Variants in GFRA2 observed in about 807,000 individuals in gnomAD.
GFRA2 encodes the protein GDNF family receptor alpha-2.
Under a neutral mutation model 48.3 loss-of-function variants are expected in GFRA2, and 17 were observed. The observed-to-expected ratio is 0.35, with a 90% CI of 0.24 to 0.53. The LOEUF is 0.53. Ranked by LOEUF, GFRA2 falls within the 20% of genes least tolerant of loss-of-function variation. GFRA2 has a pLI of 0.93. For missense variants in GFRA2, 660 were observed against 637.3 expected, an observed-to-expected ratio of 1.04 and a Z score of -0.38; for synonymous variants, 305 against 257.2, an observed-to-expected ratio of 1.19 and a Z score of -1.78.
At chr8:21,763,853 C>T (rs540602485) in intron 3 of GFRA2, among the ~76,000 whole-genome samples, 1 of 151,978 alleles carries the variant, frequency 6.6e-6, no homozygotes, top group South Asian at 2.1e-4. Context: ...CCCCTCTCCT[C>T]CTCTCTTCCT....
intron 3 of GFRA2, among the ~76,000 whole-genome samples, chr8:21,756,777 C>T (rs899017266): frequency 2.0e-5 from 3 of 152,198 alleles, no homozygotes; most frequent in Admixed American, 6.5e-5. Flanking sequence ...CAGCCCCCTC[C>T]GTCTCCCTGC....
intron 4 of GFRA2, among the ~76,000 whole-genome samples, chr8:21,728,149 C>T (rs1278782792): frequency 2.0e-5 from 3 of 152,088 alleles, no homozygotes; most frequent in Admixed American, 1.3e-4. Flanking sequence ...AGGGTGTGCC[C>T]GCCCACTGTG....
At chr8:21,800,379 A>G (rs1374907008) in intron 2 of GFRA2, among the ~76,000 whole-genome samples, 5 of 152,228 alleles carry the variant, frequency 3.3e-5, no homozygotes, top group Non-Finnish European at 5.9e-5. Flanking sequence ...GAGAAGGTGA[A>G]TCTGCAGCAT....
At chr8:21,727,058 C>T (rs1413139650) in intron 4 of GFRA2, among the ~76,000 whole-genome samples, 1 of 152,136 alleles carries the variant, frequency 6.6e-6, no homozygotes, top group African/African-American at 2.4e-5. Context: ...CCCTAAATTC[C>T]CTATTTTCAA....
chr8:21,696,860 G>A (rs1802200986), intron 7 of GFRA2, among the ~76,000 whole-genome samples: 1 of 146,464 alleles, frequency 6.8e-6, no homozygotes, highest in Non-Finnish European at 1.5e-5. Flanking sequence ...GAGAAGCAGA[G>A]AAATGGAAAC....
intron 4 of GFRA2, among the ~76,000 whole-genome samples, chr8:21,735,485 A>T (rs1257926224): frequency 2.0e-5 from 3 of 151,972 alleles, no homozygotes; most frequent in Non-Finnish European, 4.4e-5. Context: ...TGCTTGGGCC[A>T]GTAGGCAAGG....
intron 3 of GFRA2, 133 bp downstream of exon 3, chr8:21,774,839 C>A (rs1800354065): frequency 1.6e-6 from 1 of 632,606 alleles, no homozygotes; most frequent in African/African-American, 1.8e-5. Flanking sequence ...AGGCTCAGAA[C>A]CGTTGAGGGA....
At chr8:21,734,236 A>T (rs922226086) in intron 4 of GFRA2, among the ~76,000 whole-genome samples, 21 of 152,342 alleles carry the variant, frequency 1.4e-4, no homozygotes, top group African/African-American at 4.8e-4. Context: ...TTTTGCCAAG[A>T]TTGGGCTAGC....
chr8:21,709,595 C>CT (rs1363437147), intron 4 of GFRA2, among the ~76,000 whole-genome samples: 1 of 152,146 alleles, frequency 6.6e-6, no homozygotes. Context: ...GGTAGTGTGC[C>CT]TGGGGGCCAG....
chr8:21,767,646 G>A (rs1806242524), intron 3 of GFRA2, among the ~76,000 whole-genome samples: 1 of 152,250 alleles, frequency 6.6e-6, no homozygotes, highest in Non-Finnish European at 1.5e-5. Flanking sequence ...CCCAGCCACT[G>A]GCAGAGCCTG....
chr8:21,769,162 G>C (rs201332087), intron 3 of GFRA2: 25,528 of 983,368 alleles, frequency 0.026, 634 homozygotes, highest in African/African-American at 0.11. Flanking sequence ...TTCTCTTACA[G>C]CAGTGGTTGA....
chr8:21,698,293 T>C (rs1225074947), intron 7 of GFRA2, among the ~76,000 whole-genome samples: 1 of 152,178 alleles, frequency 6.6e-6, no homozygotes, highest in Non-Finnish European at 1.5e-5. Context: ...ATCAAAGAAC[T>C]GGCCCTTGCA....
intron 3 of GFRA2, among the ~76,000 whole-genome samples, chr8:21,755,125 T>G (rs1025945810): frequency 1.3e-5 from 2 of 152,122 alleles, no homozygotes; most frequent in African/African-American, 4.8e-5. Flanking sequence ...CTCTGTATGA[T>G]ACTGTAATGG....
chr8:21,713,849 A>G (rs1803194356), intron 4 of GFRA2, among the ~76,000 whole-genome samples: 1 of 152,208 alleles, frequency 6.6e-6, no homozygotes, highest in Non-Finnish European at 1.5e-5. Context: ...CACAGGTTTC[A>G]GAGCTGGGCT....
chr8:21,767,635 C>T (rs1311844107), intron 3 of GFRA2, among the ~76,000 whole-genome samples: 1 of 152,244 alleles, frequency 6.6e-6, no homozygotes, highest in Non-Finnish European at 1.5e-5. Context: ...CCGCCCCACA[C>T]CCCAGCCACT....
intron 2 of GFRA2, among the ~76,000 whole-genome samples, chr8:21,803,700 A>T (rs1269450456): frequency 6.6e-6 from 1 of 152,222 alleles, no homozygotes; most frequent in African/African-American, 2.4e-5. Flanking sequence ...TGGCACAATC[A>T]TAGCTCACTG....
intron 4 of GFRA2, among the ~76,000 whole-genome samples, chr8:21,720,146 T>A (rs1803525560): frequency 1.6e-5 from 1 of 60,994 alleles, no homozygotes; most frequent in African/African-American, 9.8e-5. Context: ...GATTCTTGCA[T>A]CAAATCACAT....
chr8:21,738,905 T>G (rs1804615414), intron 4 of GFRA2, among the ~76,000 whole-genome samples: 1 of 152,188 alleles, frequency 6.6e-6, no homozygotes, highest in African/African-American at 2.4e-5. Flanking sequence ...CTGAATGGAC[T>G]CCAGAGCTTC....
intron 3 of GFRA2, among the ~76,000 whole-genome samples, chr8:21,752,725 C>T (rs76584990): frequency 0.1 from 15,330 of 152,058 alleles, 2,400 homozygotes; most frequent in African/African-American, 0.34. Flanking sequence ...AACCCAACCC[C>T]GTATTTCCCC....
Sources: gnomAD v4.1 joint callset for allele counts (sites outside exome capture counted in the v4.1 genomes callset) on GRCh38, gnomAD v4.1.1 for gene constraint, MANE v1.5 for transcripts, NCBI Gene and HGNC (gene_info 2026-07-23, HGNC 2026-07-21) for gene names.